Variants in SEC14L1 observed in about 807,000 individuals in gnomAD.
SEC14L1 encodes SEC14-like protein 1.
SEC14L1 carries 48 observed loss-of-function variants against 85.3 expected under a neutral mutation model. That is an observed-to-expected ratio of 0.56 (90% CI 0.45 to 0.72). The LOEUF is 0.72. Among genes scored for constraint, SEC14L1 ranks in the 30% least tolerant of loss-of-function variants. The pLI, the probability that SEC14L1 is intolerant of heterozygous loss-of-function variation, is 0.00. For missense variants in SEC14L1, 682 were observed against 921.4 expected (o/e 0.74, Z 3.36); for synonymous variants, 391 against 355.5 (o/e 1.10, Z -1.12).
chr17:77,104,444 T>TTTG (rs1971858317), intron 3 of SEC14L1, among the ~76,000 whole-genome samples: 1 of 146,302 alleles, frequency 6.8e-6, no homozygotes, highest in Non-Finnish European at 1.5e-5. Context: ...TTTTTTTTTT[T>TTTG]GTCTCCCTTT....
intron 14 of SEC14L1, 36 bp from the exon 15 acceptor site, chr17:77,211,914 G>C (rs1178741522): frequency 1.2e-6 from 2 of 1,606,298 alleles, no homozygotes; most frequent in East Asian, 4.5e-5. Flanking sequence ...CCTGGTGCTC[G>C]TGGATCGTGG....
chr17:77,115,710 C>T (rs1284003460), intron 3 of SEC14L1, among the ~76,000 whole-genome samples: 3 of 152,082 alleles, frequency 2.0e-5, no homozygotes, highest in Non-Finnish European at 2.9e-5. Context: ...CTCTTGCTTT[C>T]AAAACACAGG....
At chr17:77,089,216 T>G (rs1971445298) in exon 2 of SEC14L1, 2 of 343,834 alleles carry the variant, frequency 5.8e-6, no homozygotes, top group African/African-American at 4.4e-5. Context: ...AACCACTATT[T>G]TCTTCCTGCC....
At chr17:77,142,450 TGGG>T in intron 1 of SEC14L1, among the ~76,000 whole-genome samples, 193 bp from the exon 2 acceptor site, 1 of 150,068 alleles carries the variant, frequency 6.7e-6, no homozygotes, top group African/African-American at 2.5e-5. Context: ...CCCAGCTACT[TGGG>T]AGGCTGAGGC....
At chr17:77,136,399 A>AT (rs1334143967), upstream of SEC14L1, among the ~76,000 whole-genome samples, 1 of 138,280 alleles carries the variant, frequency 7.2e-6, no homozygotes, top group Non-Finnish European at 1.6e-5. Context: ...TTCTTTTGAA[A>AT]TTTTTCAAAC....
In SEC14L1 at chr17:77,206,640, C is replaced by G. The variant is rs967726470; in HGVS notation, c.1342-88C>G. 1 of 1,469,342 alleles carries G rather than the reference C, an allele frequency of 6.8e-7. No homozygotes were observed. Among genetic ancestry groups the G allele is most frequent in the Non-Finnish European group, 9.3e-7 (1 of 1,079,918 alleles). 91.0% of individuals were successfully genotyped at this position (1,469,342 alleles called of 1,614,324 possible). A position where few individuals can be genotyped will look rare whatever the true frequency, so the allele number is the denominator to read the frequency against. On this transcript the variant is annotated intron_variant, in intron 12 of 16. Coordinates refer to ENST00000436233, the MANE Select transcript of SEC14L1 (RefSeq NM_001143998.2). This position sits in a 1 kb window ranked among gnomAD's most constrained non-coding sequence, Gnocchi z 4.3. Reference sequence around the variant, plus strand: ...TAAACTTGAATGTCTTCCCCCCACCCTCCCACTCAGAATACCACATTGTCA... The same window carrying G: ...TAAACTTGAATGTCTTCCCCCCACCGTCCCACTCAGAATACCACATTGTCA...
At chr17:77,192,959 A>AC (rs1182637489) in intron 5 of SEC14L1, among the ~76,000 whole-genome samples, 1 of 151,906 alleles carries the variant, frequency 6.6e-6, no homozygotes, top group African/African-American at 2.4e-5. Flanking sequence ...ATCATGCCTG[A>AC]CCCCCATCCC....
upstream of SEC14L1, among the ~76,000 whole-genome samples, chr17:77,139,957 A>T (rs1350526624): frequency 6.6e-6 from 1 of 152,208 alleles, no homozygotes; most frequent in Non-Finnish European, 1.5e-5. Context: ...CTTTGATGGA[A>T]ATTCCTAAAC....
intron 9 of SEC14L1, among the ~76,000 whole-genome samples, chr17:77,202,657 C>A (rs146100869): frequency 2.0e-5 from 3 of 151,908 alleles, no homozygotes; most frequent in African/African-American, 7.2e-5. Context: ...CAGTGGCTCA[C>A]GCCTATAATC....
chr17:77,158,585 C>T (rs1973909007), intron 3 of SEC14L1, among the ~76,000 whole-genome samples: 2 of 151,846 alleles, frequency 1.3e-5, no homozygotes, highest in Non-Finnish European at 2.9e-5. Context: ...AAGGTTCATC[C>T]ATGTTGTAGC....
At chr17:77,128,460 GT>G (rs777310932) in intron 3 of SEC14L1, among the ~76,000 whole-genome samples, 4,140 of 104,606 alleles carry the variant, frequency 0.04, 197 homozygotes, top group African/African-American at 0.096. Context: ...ATTTTATTAT[GT>G]TTTTTTTTTT....
chr17:77,173,099 A>T (rs897106850), intron 3 of SEC14L1, among the ~76,000 whole-genome samples: 1 of 152,162 alleles, frequency 6.6e-6, no homozygotes, highest in Non-Finnish European at 1.5e-5. Flanking sequence ...GTCAGCCACT[A>T]TATAAGGGTC....
At chr17:77,188,617 G>T (rs944746372) in intron 3 of SEC14L1, among the ~76,000 whole-genome samples, 9 of 152,074 alleles carry the variant, frequency 5.9e-5, no homozygotes, top group African/African-American at 1.4e-4. Context: ...TGTATATGGG[G>T]TTTTGTGCGA....
At chr17:77,187,249 C>T (rs1484798621) in intron 3 of SEC14L1, among the ~76,000 whole-genome samples, 1 of 152,142 alleles carries the variant, frequency 6.6e-6, no homozygotes, top group Admixed American at 6.5e-5. Flanking sequence ...GGGGTGACAT[C>T]TATCAGTCAA....
At chr17:77,175,173 A>C (rs1022436550) in intron 3 of SEC14L1, among the ~76,000 whole-genome samples, 4 of 152,238 alleles carry the variant, frequency 2.6e-5, no homozygotes, top group African/African-American at 9.6e-5. Context: ...GACGTTACAC[A>C]GTTAAACCCT....
chr17:77,181,652 G>A (rs961330290), intron 3 of SEC14L1, among the ~76,000 whole-genome samples: 1 of 152,258 alleles, frequency 6.6e-6, no homozygotes, highest in Admixed American at 6.5e-5. Context: ...CTCGGGTGAG[G>A]TAGTCTACCC....
chr17:77,145,101 G>GTA (rs1430327814), intron 3 of SEC14L1: 2 of 52,480 alleles, frequency 3.8e-5, no homozygotes, highest in African/African-American at 2.8e-4. Context: ...GTGTATGTAT[G>GTA]TGTGTGTGTG....
intron 10 of SEC14L1, among the ~76,000 whole-genome samples, chr17:77,203,865 C>T (rs1029048713): frequency 6.6e-6 from 1 of 152,166 alleles, no homozygotes; most frequent in African/African-American, 2.4e-5. Flanking sequence ...GTCAGTGAGG[C>T]AGTCAGGGTC....
intron 3 of SEC14L1, among the ~76,000 whole-genome samples, chr17:77,097,852 G>A (rs747361558): frequency 6.6e-6 from 1 of 152,162 alleles, no homozygotes; most frequent in African/African-American, 2.4e-5. Context: ...AGAATATGCA[G>A]AATAACAGAT....
Sources: allele counts gnomAD v4.1 joint callset (sites outside exome capture counted in the v4.1 genomes callset), GRCh38; gene constraint gnomAD v4.1.1; non-coding constraint Gnocchi (gnomAD v3.1); transcripts MANE v1.5; gene names NCBI Gene and HGNC (gene_info 2026-07-23, HGNC 2026-07-21).